EIF4B: variants seen among roughly 807,000 people sequenced by gnomAD.
EIF4B encodes eukaryotic translation initiation factor 4B.
Under a neutral mutation model 79.3 loss-of-function variants are expected in EIF4B, and 8 were observed. The ratio of observed to expected loss-of-function variants is 0.10; its 90% confidence interval spans 0.06 to 0.18. The LOEUF (loss-of-function observed/expected upper bound fraction) is 0.18, where lower values mean the gene tolerates loss of function less well. EIF4B is among the 10% of genes least tolerant of loss of function. The pLI is 1.00. For synonymous variants in EIF4B, 238 were observed against 274.7 expected (o/e 0.87, Z 1.32); for missense variants, 515 against 792.4 (o/e 0.65, Z 4.20).
chr12:53,021,100 TGAG>T (rs1381553491), intron 4 of EIF4B, among the ~76,000 whole-genome samples: 1 of 152,130 alleles, frequency 6.6e-6, no homozygotes, highest in Non-Finnish European at 1.5e-5. Context: ...TACTATGAAA[TGAG>T]GAAAAATCAG....
At chr12:53,009,001 C>T (rs972268017) in intron 1 of EIF4B, among the ~76,000 whole-genome samples, 2 of 152,136 alleles carry the variant, frequency 1.3e-5, no homozygotes, top group Non-Finnish European at 2.9e-5. Context: ...TGCCATTGCA[C>T]TCCAGCCTGG....
At chr12:53,034,140 G>T in intron 9 of EIF4B, 106 bp downstream of exon 9, 1 of 1,157,554 alleles carries the variant, frequency 8.6e-7, no homozygotes, top group Non-Finnish European at 1.2e-6. Flanking sequence ...CACATTAGTG[G>T]TTGTCACTGA....
chr12:53,007,368 C>T (rs1336864673), intron 1 of EIF4B, among the ~76,000 whole-genome samples: 9 of 149,858 alleles, frequency 6.0e-5, no homozygotes, highest in Admixed American at 6.0e-4. Context: ...GGTTTCGCTT[C>T]CGGCGCTTCC....
intron 4 of EIF4B, among the ~76,000 whole-genome samples, chr12:53,020,277 A>G (rs1189361325): frequency 1.3e-5 from 2 of 152,206 alleles, no homozygotes; most frequent in Non-Finnish European, 2.9e-5. Flanking sequence ...CCCACCACAC[A>G]CCAGGTCTCT....
chr12:53,038,300 T>A (rs1943571552), intron 11 of EIF4B, 56 bp from the exon 12 acceptor site: 1 of 1,498,602 alleles, frequency 6.7e-7, no homozygotes, highest in African/African-American at 1.4e-5. Context: ...ATTATGTTTC[T>A]TGGTTGTTTT....
intron 4 of EIF4B, among the ~76,000 whole-genome samples, chr12:53,020,360 G>A (rs1164798586): frequency 2.0e-5 from 3 of 152,164 alleles, no homozygotes; most frequent in Non-Finnish European, 1.5e-5. Flanking sequence ...AAGTAATCTG[G>A]CCTGATAAAG....
intron 1 of EIF4B, among the ~76,000 whole-genome samples, chr12:53,009,003 C>G (rs1244046636): frequency 1.3e-5 from 2 of 152,030 alleles, no homozygotes. Flanking sequence ...CCATTGCACT[C>G]CAGCCTGGGC....
At chr12:53,011,224 A>G (rs990192851) in intron 1 of EIF4B, among the ~76,000 whole-genome samples, 4 of 152,110 alleles carry the variant, frequency 2.6e-5, no homozygotes, top group African/African-American at 9.7e-5. Flanking sequence ...CCATTATCTC[A>G]CTACTGTACT....
intron 6 of EIF4B, 82 bp downstream of exon 6, chr12:53,022,709 A>C: frequency 6.7e-7 from 1 of 1,486,890 alleles, no homozygotes; most frequent in Admixed American, 2.4e-5. Context: ...ACAGATGATC[A>C]GATCACATTA....
chr12:53,030,410 A>ATTATTTTTTTTTTTTTTT (rs1555153412), intron 8 of EIF4B, among the ~76,000 whole-genome samples: 1 of 34,254 alleles, frequency 2.9e-5, no homozygotes, highest in Admixed American at 5.1e-4. Flanking sequence ...AAAAAATTAT[A>ATTATTTTTTTTTTTTTTT]TTCTTTTTTT....
At chr12:53,037,701 G>A (rs1277770215) in intron 11 of EIF4B, 79 bp downstream of exon 11, 1 of 1,487,110 alleles carries the variant, frequency 6.7e-7, no homozygotes, top group African/African-American at 1.4e-5. Flanking sequence ...ATCTCCTACG[G>A]GATGCCAGCG....
intron 1 of EIF4B, among the ~76,000 whole-genome samples, chr12:53,006,712 C>T (rs371973306): frequency 1.1e-4 from 16 of 151,846 alleles, no homozygotes; most frequent in South Asian, 8.3e-4. Context: ...ACTCTTTTCA[C>T]CCTTTCTGCG....
chr12:53,027,136 A>ATTTTTTTTTTTTT (rs777111413), intron 6 of EIF4B, among the ~76,000 whole-genome samples: 472 of 29,144 alleles, frequency 0.016, 34 homozygotes, highest in East Asian at 0.068. Flanking sequence ...AAAAAAAAAA[A>ATTTTTTTTTTTTT]ATTTTTTTTT....
intron 2 of EIF4B, among the ~76,000 whole-genome samples, chr12:53,017,395 A>C (rs1212324709): frequency 6.6e-6 from 1 of 152,150 alleles, no homozygotes; most frequent in East Asian, 1.9e-4. Flanking sequence ...AAGGAGTGAG[A>C]ACAGTAATTA....
chr12:53,006,645 G>A, intron 1 of EIF4B, 149 bp downstream of exon 1: 1 of 1,393,086 alleles, frequency 7.2e-7, no homozygotes, highest in South Asian at 1.3e-5. Flanking sequence ...GCCCTGTTAG[G>A]TTACTGCCTC....
Position 53,027,856 on chromosome 12 carries a change from G to C in EIF4B, c.742G>C (p.Asp248His). Reference protein sequence around the residue: ...RDGYRDGPRRDMDRYGGRDRY... With the variant: ...RDGYRDGPRRHMDRYGGRDRY... ...TGGGTATCGGGATGGCCCACGCCGG[G>C]ATATGGATCGATATGGTGGCCGGGA... Residue 248 changes from aspartate (D) to histidine (H), a missense_variant, in exon 7 of 15, where the codon GAT (aspartate) becomes CAT (histidine). Coordinates refer to ENST00000262056, the MANE Select transcript of EIF4B (RefSeq NM_001417.7). 1 of 1,614,254 alleles carries C rather than the reference G, an allele frequency of 6.2e-7. No homozygotes were observed. Among genetic ancestry groups the C allele is most frequent in the Non-Finnish European group, 8.5e-7 (1 of 1,180,048 alleles).
intron 8 of EIF4B, among the ~76,000 whole-genome samples, chr12:53,032,676 T>TG (rs1464322139): frequency 1.3e-5 from 2 of 151,374 alleles, no homozygotes; most frequent in African/African-American, 2.4e-5. Flanking sequence ...TTTGTTTTTT[T>TG]TTTTTTTTGA....
At chr12:53,034,070 C>A (rs570493688) in intron 9 of EIF4B, 36 bp downstream of exon 9, 2 of 1,568,284 alleles carry the variant, frequency 1.3e-6, no homozygotes, top group South Asian at 2.3e-5. Flanking sequence ...TCTAGGAATC[C>A]GGTGGTTCGT....
At chr12:53,039,072 T>A (rs1943586708) in intron 12 of EIF4B, 166 bp from the exon 13 acceptor site, 2 of 572,192 alleles carry the variant, frequency 3.5e-6, no homozygotes, top group African/African-American at 3.8e-5. Flanking sequence ...TTGTGTGCTG[T>A]AGAGGATGTG....
Sources: allele counts gnomAD v4.1 joint callset (sites outside exome capture counted in the v4.1 genomes callset), GRCh38; gene constraint gnomAD v4.1.1; transcripts MANE v1.5; gene names NCBI Gene and HGNC (gene_info 2026-07-23, HGNC 2026-07-21).